ARHGAP24: variants seen among roughly 807,000 people sequenced by gnomAD.
ARHGAP24 encodes rho GTPase-activating protein 24.
Under a neutral mutation model 76.4 loss-of-function variants are expected in ARHGAP24, and 50 were observed. The observed-to-expected ratio is 0.65, with a 90% CI of 0.52 to 0.83. The LOEUF is 0.83. ARHGAP24 is among the 40% of genes least tolerant of loss of function. The pLI is 0.00. For missense variants in ARHGAP24, 930 were observed against 914.2 expected (o/e 1.02, Z -0.22); for synonymous variants, 345 against 323.3 (o/e 1.07, Z -0.72).
chr4:85,972,723 C>G (rs1047203989), intron 6 of ARHGAP24, among the ~76,000 whole-genome samples: 1 of 152,084 alleles, frequency 6.6e-6, no homozygotes, highest in African/African-American at 2.4e-5. Context: ...TCAAAATAAA[C>G]CCCATACCCT....
At position 85,923,659 on chromosome 4, in the gene ARHGAP24, G is replaced by A. The variant is rs1248859431; in HGVS notation, c.280G>A (p.Asp94Asn). 1 of 1,613,758 alleles carries A rather than the reference G, an allele frequency of 6.2e-7. No homozygotes were observed. The change falls in exon 4 of 10, where the codon GAT becomes AAT. Residue 94 changes from aspartate to asparagine, a missense_variant. Physicochemically the swap from Asp to Asn is conservative, Grantham distance 23. Transcript: ENST00000395184. ...LFEVVPGGDR[D>N]RMTANHESYL... ...CTGTGTTTTCACAGGAGGCGATCGAGATCGGATGACAGCAAATCATGAAAG... is the reference window on the plus strand; with the variant it reads ...CTGTGTTTTCACAGGAGGCGATCGAAATCGGATGACAGCAAATCATGAAAG...
chr4:85,871,889 T>C (rs1732546163), intron 3 of ARHGAP24, among the ~76,000 whole-genome samples: 1 of 152,110 alleles, frequency 6.6e-6, no homozygotes, highest in African/African-American at 2.4e-5. Context: ...CCTCTAGTTA[T>C]TGGATGACAT....
chr4:85,965,464 C>A (rs546145408), intron 5 of ARHGAP24, among the ~76,000 whole-genome samples: 1 of 152,078 alleles, frequency 6.6e-6, no homozygotes, highest in Non-Finnish European at 1.5e-5. Flanking sequence ...ACGTTCTTTC[C>A]ACCACGTCTT....
intron 3 of ARHGAP24, among the ~76,000 whole-genome samples, chr4:85,757,712 A>C (rs917780193): frequency 6.6e-6 from 1 of 152,192 alleles, no homozygotes; most frequent in Non-Finnish European, 1.5e-5. Flanking sequence ...CATGATTTAT[A>C]GTCCTTTGGG....
At chr4:85,754,926 G>A (rs13112493) in intron 3 of ARHGAP24, among the ~76,000 whole-genome samples, 102,850 of 152,006 alleles carry the variant, frequency 0.68, 37,032 homozygotes, top group Non-Finnish European at 0.82. Flanking sequence ...CTACCTCCCC[G>A]GGTTGTTACA....
intron 2 of ARHGAP24, among the ~76,000 whole-genome samples, chr4:85,637,879 A>G (rs373654284): frequency 6.6e-6 from 1 of 152,170 alleles, no homozygotes; most frequent in East Asian, 1.9e-4. Context: ...AGGAACATGT[A>G]TTAACACAGG....
At chr4:85,933,872 C>T (rs776660030) in intron 4 of ARHGAP24, among the ~76,000 whole-genome samples, 10 of 152,174 alleles carry the variant, frequency 6.6e-5, no homozygotes, top group Non-Finnish European at 1.2e-4. Flanking sequence ...CTACTCCTTT[C>T]TTGGAGATAA....
In ARHGAP24 at chr4:85,504,087, T is replaced by C. The variant is rs148922760; in HGVS notation, c.-21+28528T>C. Among the ~76,000 whole-genome samples, 3 of 152,364 alleles carry C rather than the reference T, an allele frequency of 2.0e-5. No individual in the cohort carries two copies. The East Asian group carries it at 5.8e-4, about 29-fold the overall frequency. On this transcript the variant is annotated intron_variant, in intron 1 of 9. Transcript: ENST00000395184. ...TTGCACTGTAGTCTGAGAGACAGTT[T>C]ATTGTGATTTCTGTTCTTTCACATT...
At chr4:85,875,613 A>G (rs1440263245) in intron 3 of ARHGAP24, among the ~76,000 whole-genome samples, 1 of 120,176 alleles carries the variant, frequency 8.3e-6, no homozygotes, top group Non-Finnish European at 1.6e-5. Flanking sequence ...TATATTATAT[A>G]TATGTAATGT....
At chr4:85,942,969 CT>C (rs1317819138) in intron 5 of ARHGAP24, among the ~76,000 whole-genome samples, 1 of 151,952 alleles carries the variant, frequency 6.6e-6, no homozygotes, top group African/African-American at 2.4e-5. Context: ...GAAAAATACC[CT>C]TTTTTCTAAT....
intron 2 of ARHGAP24, among the ~76,000 whole-genome samples, chr4:85,601,481 A>T (rs1720026325): frequency 6.6e-6 from 1 of 152,162 alleles, no homozygotes; most frequent in Non-Finnish European, 1.5e-5. Flanking sequence ...ATTATTTGCT[A>T]TTGGTGTGTC....
chr4:85,886,271 A>C (rs10006477), intron 3 of ARHGAP24, among the ~76,000 whole-genome samples: 122,987 of 151,962 alleles, frequency 0.81, 50,560 homozygotes, highest in Middle Eastern at 0.9. Flanking sequence ...ATAATCATAC[A>C]ACAACGTTAC....
intron 3 of ARHGAP24, among the ~76,000 whole-genome samples, chr4:85,736,796 T>C (rs1269052845): frequency 1.3e-5 from 2 of 152,188 alleles, no homozygotes; most frequent in Non-Finnish European, 2.9e-5. Context: ...AATGTTACAC[T>C]GTGGAGCTAA....
intron 9 of ARHGAP24, among the ~76,000 whole-genome samples, chr4:85,998,258 C>T (rs1020997504): frequency 6.6e-6 from 1 of 152,118 alleles, no homozygotes; most frequent in South Asian, 2.1e-4. Flanking sequence ...GGCTCTACTA[C>T]TAGGTGAATA....
chr4:85,492,721 C>G (rs1723408114), intron 1 of ARHGAP24, among the ~76,000 whole-genome samples: 1 of 151,970 alleles, frequency 6.6e-6, no homozygotes, highest in African/African-American at 2.4e-5. Flanking sequence ...CTTTTTATTT[C>G]AAAATAATTT....
chr4:85,943,079 A>G (rs1018378502), intron 5 of ARHGAP24, among the ~76,000 whole-genome samples: 2 of 152,128 alleles, frequency 1.3e-5, no homozygotes, highest in Non-Finnish European at 2.9e-5. Context: ...AACTATTTCA[A>G]TATTGTTAGA....
At position 85,504,742 on chromosome 4, in the gene ARHGAP24, G is replaced by A. The variant is rs537121799; in HGVS notation, c.-21+29183G>A. ...ACATTTAAGGTTAATATTGTTATAT[G>A]TCAATTTGATCCTGTCATTATGATG... On this transcript the variant is annotated intron_variant, in intron 1 of 9. Transcript: ENST00000395184. Among the ~76,000 whole-genome samples the A allele has an allele frequency of 3.3e-5, 5 of 152,254 alleles. No individual in the cohort carries two copies. The South Asian group carries it at 1.0e-3, about 32-fold the overall frequency.
At chr4:85,585,607 G>C (rs1052083322) in intron 2 of ARHGAP24, among the ~76,000 whole-genome samples, 3 of 152,224 alleles carry the variant, frequency 2.0e-5, no homozygotes, top group African/African-American at 4.8e-5. Flanking sequence ...GGACATTTCT[G>C]TCAAAGAATA....
chr4:85,861,767 G>A (rs1033252062), intron 3 of ARHGAP24, among the ~76,000 whole-genome samples: 23 of 151,918 alleles, frequency 1.5e-4, no homozygotes, highest in Admixed American at 3.3e-4. Context: ...TTCACACCAC[G>A]ATTACTGAAG....
Sources: gnomAD v4.1 joint callset for allele counts (sites outside exome capture counted in the v4.1 genomes callset) on GRCh38, gnomAD v4.1.1 for gene constraint, MANE v1.5 for transcripts, NCBI Gene and HGNC (gene_info 2026-07-23, HGNC 2026-07-21) for gene names.